Variants in DPP10 observed in about 807,000 individuals in gnomAD.
DPP10 encodes the protein dipeptidyl peptidase like 10.
A neutral mutation model predicts 120.9 loss-of-function variants in DPP10; 33 were observed. The ratio of observed to expected loss-of-function variants is 0.27; its 90% CI spans 0.21 to 0.37. The LOEUF (loss-of-function observed/expected upper bound fraction) is 0.37, where lower values mean the gene tolerates loss of function less well. Among genes scored for constraint, DPP10 ranks in the 10% least tolerant of loss-of-function variants. DPP10 has a pLI of 1.00. For synonymous variants in DPP10, 337 were observed against 326.1 expected (o/e 1.03, Z -0.36); for missense variants, 816 against 942.8 (o/e 0.87, Z 1.76).
At chr2:115,358,445 C>T (rs999194496) in intron 3 of DPP10, among the ~76,000 whole-genome samples, 3 of 152,156 alleles carry the variant, frequency 2.0e-5, no homozygotes, top group Non-Finnish European at 4.4e-5. Context: ...GCATTTTGGT[C>T]AAAGCCATTC....
In DPP10 at chr2:114,652,988, A is replaced by AAG. The variant is rs138466082; in HGVS notation, c.60+210170_60+210171dup. Among the ~76,000 whole-genome samples the AAG allele has an allele frequency of 8.0e-3, 1,083 of 135,470 alleles. 9 individuals carry two copies. Among genetic ancestry groups the AAG allele is most frequent in the Non-Finnish European group, 0.013 (817 of 63,704 alleles). 88.9% of individuals were successfully genotyped at this position (135,470 alleles called of 152,430 possible). On this transcript the variant is annotated intron_variant, in intron 1 of 25. Transcript: ENST00000410059. Reference sequence around the variant, plus strand: ...TTTTCCCTCTTTTCTCTCTCATTGGAAGAGAGAGAGAGAGAGAGAGAAAGA... The same window carrying AAG: ...TTTTCCCTCTTTTCTCTCTCATTGGAAGAGAGAGAGAGAGAGAGAGAGAAAGA...
chr2:115,653,890 T>G (rs565204853), intron 5 of DPP10, among the ~76,000 whole-genome samples: 21 of 152,026 alleles, frequency 1.4e-4, no homozygotes, highest in African/African-American at 5.1e-4. Context: ...GTTATCCATG[T>G]TTTATTGTTG....
chr2:115,232,454 A>G (rs2057781689), intron 1 of DPP10, among the ~76,000 whole-genome samples: 1 of 152,200 alleles, frequency 6.6e-6, no homozygotes, highest in African/African-American at 2.4e-5. Flanking sequence ...TATTTTGCTT[A>G]CAATGTTTCA....
chr2:115,024,021 G>A (rs1232197199), intron 1 of DPP10, among the ~76,000 whole-genome samples: 1 of 152,076 alleles, frequency 6.6e-6, no homozygotes, highest in Non-Finnish European at 1.5e-5. Flanking sequence ...AGGGTGGTGG[G>A]TGGTGAGGGA....
At chr2:114,985,571 T>A (rs944152441) in intron 1 of DPP10, among the ~76,000 whole-genome samples, 1 of 152,204 alleles carries the variant, frequency 6.6e-6, no homozygotes, top group African/African-American at 2.4e-5. Context: ...ATTGCATGAA[T>A]AAAACTGATG....
chr2:114,788,500 C>A (rs997094447), intron 1 of DPP10, among the ~76,000 whole-genome samples: 1 of 151,188 alleles, frequency 6.6e-6, no homozygotes, highest in African/African-American at 2.4e-5. Context: ...ACTGCAACTT[C>A]TGCCTCCTGA....
At chr2:115,308,410 T>C (rs2061444084) in intron 1 of DPP10, among the ~76,000 whole-genome samples, 1 of 152,082 alleles carries the variant, frequency 6.6e-6, no homozygotes, top group Non-Finnish European at 1.5e-5. Context: ...AATGAGAAGC[T>C]CAGTGTTTTA....
chr2:115,017,343 G>A (rs950118688), intron 1 of DPP10, among the ~76,000 whole-genome samples: 11 of 152,098 alleles, frequency 7.2e-5, no homozygotes, highest in East Asian at 3.9e-4. Context: ...CATTAAAAAC[G>A]TGGGAAACAA....
At chr2:115,450,177 G>A (rs2072990137) in intron 3 of DPP10, among the ~76,000 whole-genome samples, 1 of 151,964 alleles carries the variant, frequency 6.6e-6, no homozygotes, top group Admixed American at 6.6e-5. Context: ...AGTCTAGCCT[G>A]TCTTCAGTGT....
chr2:114,979,347 T>C (rs1392468270), intron 1 of DPP10, among the ~76,000 whole-genome samples: 6 of 152,022 alleles, frequency 3.9e-5, no homozygotes, highest in Non-Finnish European at 7.4e-5. Context: ...ACAGATCCCA[T>C]CAGTTCTTTC....
intron 25 of DPP10, among the ~76,000 whole-genome samples, chr2:115,841,444 A>G (rs1298805821): frequency 6.6e-6 from 1 of 152,160 alleles, no homozygotes; most frequent in African/African-American, 2.4e-5. Context: ...AGTCTGATAT[A>G]AGAGTCATAG....
At chr2:114,683,577 T>A (rs1699170981) in intron 1 of DPP10, among the ~76,000 whole-genome samples, 1 of 116,746 alleles carries the variant, frequency 8.6e-6, no homozygotes, top group Non-Finnish European at 1.8e-5. Context: ...CCTCCCTCTC[T>A]CTCTCTTTTT....
At chr2:115,338,789 T>C (rs1023118909) in intron 2 of DPP10, among the ~76,000 whole-genome samples, 3 of 152,158 alleles carry the variant, frequency 2.0e-5, no homozygotes, top group Non-Finnish European at 4.4e-5. Flanking sequence ...TGTGAAGATA[T>C]ACAAAAAGTA....
intron 1 of DPP10, among the ~76,000 whole-genome samples, chr2:114,565,614 G>T (rs1225737034): frequency 6.6e-6 from 1 of 152,192 alleles, no homozygotes; most frequent in Admixed American, 6.5e-5. Flanking sequence ...ATGGAAACTG[G>T]GGTGAGGCAC....
At position 115,785,539 on chromosome 2, in the gene DPP10, CA is replaced by C. The variant is rs541377744; in HGVS notation, c.1531+3142del. On this transcript the variant is annotated intron_variant, in intron 17 of 25. Transcript: ENST00000410059. ...ATCATTATCGGTCTGTTCAGGGTTTCAATTTCTCCCTGGTCCACTCTTGAAA... is the reference window on the plus strand; with the variant it reads ...ATCATTATCGGTCTGTTCAGGGTTTCATTTCTCCCTGGTCCACTCTTGAAA... Among the ~76,000 whole-genome samples, 285 of 152,242 alleles carry C rather than the reference CA, an allele frequency of 1.9e-3. 2 individuals are homozygous for C. Among genetic ancestry groups the C allele is most frequent in the Admixed American group, 3.3e-3 (50 of 15,292 alleles).
chr2:115,207,416 CAAAAAAAAAAAAAAAAAAA>C (rs57462947), intron 1 of DPP10, among the ~76,000 whole-genome samples: 12 of 52,302 alleles, frequency 2.3e-4, no homozygotes, highest in African/African-American at 7.9e-4. Context: ...CTTACTGCAC[CAAAAAAAAAAAAAAAAAAA>C]AAAAAAAAAA....
chr2:114,457,484 G>C (rs1242825344), intron 1 of DPP10, among the ~76,000 whole-genome samples: 1 of 152,192 alleles, frequency 6.6e-6, no homozygotes, highest in Non-Finnish European at 1.5e-5. Flanking sequence ...GGTCATTCTG[G>C]TCTCATGGCT....
chr2:114,595,069 A>G (rs1315996546), intron 1 of DPP10, among the ~76,000 whole-genome samples: 2 of 152,058 alleles, frequency 1.3e-5, no homozygotes, highest in Admixed American at 6.6e-5. Flanking sequence ...ACATCTGGTC[A>G]TAGGGGAAAA....
rs186279045 is a variant in DPP10, at chr2:115,248,569, T to G, written c.61-60670T>G. Among the ~76,000 whole-genome samples the G allele has an allele frequency of 9.9e-4, 151 of 152,180 alleles. 1 individual carries two copies. The Middle Eastern group carries it at 0.01, about 10-fold the overall frequency. Reference sequence around the variant, plus strand: ...AGGGAATTGTGTTATACAGAGGGAATAAGTTATACAGAGGTAATGATGAAG... The same window carrying G: ...AGGGAATTGTGTTATACAGAGGGAAGAAGTTATACAGAGGTAATGATGAAG... On this transcript the variant is annotated intron_variant, in intron 1 of 25. Coordinates refer to ENST00000410059, the MANE Select transcript of DPP10 (RefSeq NM_020868.6).
Sources: allele counts gnomAD v4.1 joint callset (sites outside exome capture counted in the v4.1 genomes callset), GRCh38; gene constraint gnomAD v4.1.1; transcripts MANE v1.5; gene names NCBI Gene and HGNC (gene_info 2026-07-23, HGNC 2026-07-21).